SMG6: variants seen among roughly 807,000 people sequenced by gnomAD.
The protein encoded by SMG6 is SMG6 nonsense mediated mRNA decay factor.
SMG6 carries 66 observed loss-of-function variants against 142.2 expected under a neutral mutation model. That is an observed-to-expected ratio of 0.46 (90% confidence interval 0.38 to 0.57). SMG6 has a LOEUF of 0.57. Among genes scored for constraint, SMG6 ranks in the 20% least tolerant of loss-of-function variants. SMG6 has a pLI of 0.00. For missense variants in SMG6, 1,793 were observed against 1,832.0 expected, an observed-to-expected ratio of 0.98 and a Z score of 0.39; for synonymous variants, 779 against 702.4, an observed-to-expected ratio of 1.11 and a Z score of -1.72.
chr17:2,272,092 A>G (rs536413351), intron 8 of SMG6, among the ~76,000 whole-genome samples: 24 of 152,306 alleles, frequency 1.6e-4, no homozygotes, highest in African/African-American at 5.3e-4. Context: ...CTACCTCCCA[A>G]GTGCACACCA....
chr17:2,157,780 CAA>C (rs974044571), intron 13 of SMG6, among the ~76,000 whole-genome samples: 1 of 152,208 alleles, frequency 6.6e-6, no homozygotes, highest in Admixed American at 6.5e-5. Context: ...ACACTCATTA[CAA>C]AGTCTGCAAA....
chr17:2,166,444 C>A (rs572933745), intron 13 of SMG6, among the ~76,000 whole-genome samples: 3 of 152,194 alleles, frequency 2.0e-5, no homozygotes, highest in African/African-American at 7.2e-5. Context: ...AAGGTACTAT[C>A]TGCTATATTC....
At chr17:2,065,362 T>G in intron 17 of SMG6, 106 bp downstream of exon 17, 1 of 1,181,874 alleles carries the variant, frequency 8.5e-7, no homozygotes, top group Non-Finnish European at 1.2e-6. Context: ...CCATGGTGGC[T>G]GGCCCTCAGC....
At chr17:2,216,303 T>G (rs190011597) in intron 10 of SMG6, among the ~76,000 whole-genome samples, 2 of 152,070 alleles carry the variant, frequency 1.3e-5, no homozygotes, top group African/African-American at 4.8e-5. Flanking sequence ...TTTACAGATT[T>G]GGCTTTCTAC....
At chr17:2,302,550 T>G (rs189705910) in intron 1 of SMG6, among the ~76,000 whole-genome samples, 1 of 152,108 alleles carries the variant, frequency 6.6e-6, no homozygotes, top group Non-Finnish European at 1.5e-5. Context: ...CAAAAAATAA[T>G]AATAACAACA....
intron 8 of SMG6, among the ~76,000 whole-genome samples, chr17:2,250,185 C>G (rs1455741519): frequency 6.6e-6 from 1 of 152,184 alleles, no homozygotes; most frequent in Non-Finnish European, 1.5e-5. Context: ...GGAGGGGATT[C>G]TGAAACAGGC....
At chr17:2,067,276 C>G (rs926543901) in intron 16 of SMG6, among the ~76,000 whole-genome samples, 1 of 152,216 alleles carries the variant, frequency 6.6e-6, no homozygotes, top group Non-Finnish European at 1.5e-5. Context: ...GCCTGCCTTT[C>G]ACCGGATCAA....
rs747600622 is a variant in SMG6, at chr17:2,283,630, G to T, written c.2443C>A (p.Arg815=). ...SLMSLFEETK[R]KAEQMEKKQH... is the part of the protein sequence containing the mutation. ...TCTGCCACATCCCCACTCACCTTCCGCTTGGTCTCTTCAAACAAGCTCATG... is the reference window on the plus strand; with the variant it reads ...TCTGCCACATCCCCACTCACCTTCCTCTTGGTCTCTTCAAACAAGCTCATG... Residue 815 remains arginine, a synonymous_variant, in exon 7 of 19, where the codon CGG becomes AGG. Coordinates refer to ENST00000263073, the MANE Select transcript of SMG6 (RefSeq NM_017575.5). The T allele has an allele frequency of 1.2e-6, 2 of 1,613,264 alleles. No homozygotes were observed. The highest frequency in any genetic ancestry group is 1.3e-5 in the African/African-American group (1 of 74,870).
At chr17:2,089,974 A>T (rs1366661065) in intron 13 of SMG6, among the ~76,000 whole-genome samples, 1 of 152,098 alleles carries the variant, frequency 6.6e-6, no homozygotes, top group East Asian at 1.9e-4. Context: ...ACCTGAGGTC[A>T]GGAGTTCAAG....
At chr17:2,255,065 A>T (rs921244470) in intron 8 of SMG6, among the ~76,000 whole-genome samples, 3 of 152,158 alleles carry the variant, frequency 2.0e-5, no homozygotes, top group African/African-American at 7.2e-5. Context: ...TCTGTAAGAA[A>T]GTCTGGAGAA....
chr17:2,184,960 C>CAAAAA lies in SMG6; in HGVS notation c.3155+1698_3155+1702dup, dbSNP rs58230459. 2.9e-3 allele frequency among the ~76,000 whole-genome samples: 66 copies of CAAAAA among 22,474 alleles called. 25 individuals are homozygous for CAAAAA. The highest frequency in any genetic ancestry group is 0.011 in the African/African-American group (45 of 4,116). 14.7% of individuals were successfully genotyped at this position (22,474 alleles called of 152,430 possible). On this transcript the variant is annotated intron_variant, in intron 12 of 18. Coordinates refer to ENST00000263073, the MANE Select transcript of SMG6 (RefSeq NM_017575.5). The stretch of plus-strand genomic sequence containing the variant: ...TGGGAGACAGAGCGGGACTCCATCT[C>CAAAAA]AAAAAAAAAAAAAAAAAAAAAAAAA...
chr17:2,186,998 T>C (rs1028505276), intron 11 of SMG6, among the ~76,000 whole-genome samples, 167 bp from the exon 12 acceptor site: 3 of 152,302 alleles, frequency 2.0e-5, no homozygotes, highest in South Asian at 2.1e-4. Flanking sequence ...TTCTGAAAAG[T>C]AGGACAAAGA....
intron 12 of SMG6, among the ~76,000 whole-genome samples, chr17:2,176,271 G>A (rs543706418): frequency 5.3e-4 from 81 of 152,268 alleles, no homozygotes; most frequent in African/African-American, 1.9e-3. Context: ...GCACCTTCTA[G>A]CCTTCACCCG....
intron 13 of SMG6, among the ~76,000 whole-genome samples, chr17:2,171,109 A>C (rs1354584405): frequency 6.6e-6 from 1 of 151,984 alleles, no homozygotes; most frequent in African/African-American, 2.4e-5. Flanking sequence ...CCCCATCTCT[A>C]TAAAAAATAC....
chr17:2,124,911 G>A (rs1479021018), intron 13 of SMG6, among the ~76,000 whole-genome samples: 6 of 152,156 alleles, frequency 3.9e-5, no homozygotes, highest in East Asian at 1.9e-4. Flanking sequence ...GATTGGCACC[G>A]AAAGGCATTT....
intron 8 of SMG6, among the ~76,000 whole-genome samples, chr17:2,266,523 T>C (rs779448147): frequency 1.3e-5 from 2 of 152,156 alleles, no homozygotes; most frequent in African/African-American, 2.4e-5. Context: ...GTTTCTTCAG[T>C]GTGGAAGCTG....
At chr17:2,076,050 T>A (rs2068249373) in intron 15 of SMG6, among the ~76,000 whole-genome samples, 1 of 152,164 alleles carries the variant, frequency 6.6e-6, no homozygotes, top group Non-Finnish European at 1.5e-5. Context: ...GGGGTCTAGG[T>A]AAGAGCAGGG....
intron 13 of SMG6, among the ~76,000 whole-genome samples, chr17:2,110,081 C>CAAAAAA (rs57135671): frequency 1.0e-4 from 9 of 87,934 alleles, no homozygotes; most frequent in Non-Finnish European, 2.1e-4. Context: ...GATTCCATCT[C>CAAAAAA]AAAAAAAAAA....
intron 13 of SMG6, among the ~76,000 whole-genome samples, chr17:2,132,685 C>T (rs927389250): frequency 6.6e-6 from 1 of 152,200 alleles, no homozygotes; most frequent in African/African-American, 2.4e-5. Flanking sequence ...ACTAAACTTT[C>T]TAAAAACCTA....
Sources: gnomAD v4.1 joint callset for allele counts (sites outside exome capture counted in the v4.1 genomes callset) on GRCh38, gnomAD v4.1.1 for gene constraint, MANE v1.5 for transcripts, NCBI Gene and HGNC (gene_info 2026-07-23, HGNC 2026-07-21) for gene names.